The following AAK1 variants were observed in gnomAD, a reference collection of about 807,000 sequenced individuals.
AAK1 encodes the protein AP2 associated kinase 1.
Under a neutral mutation model 116.0 loss-of-function variants are expected in AAK1, and 37 were observed. The ratio of observed to expected loss-of-function variants is 0.32; its 90% CI spans 0.25 to 0.42. The LOEUF (loss-of-function observed/expected upper bound fraction) is 0.42. AAK1 is among the 10% of genes least tolerant of loss of function. The pLI is 1.00. For synonymous variants in AAK1, 458 were observed against 439.9 expected (o/e 1.04, Z -0.51); for missense variants, 919 against 1,170.6 (o/e 0.79, Z 3.14).
At chr2:69,478,331 A>T (rs982554453) in intron 20 of AAK1, 2 of 152,328 alleles carry the variant, frequency 1.3e-5, no homozygotes, top group African/African-American at 4.8e-5. Flanking sequence ...AAAGGTATCT[A>T]GCTCTTAAAG....
rs547427231 is a variant in AAK1 at position 69,468,060 on chromosome 2, T to A, written c.*7809A>T. The stretch of plus-strand genomic sequence containing the variant: ...TGAATTCCAGATTGGGGCGTTAAGT[T>A]AAATTCTGTACTGGTGCCAAATGGC... On this transcript the variant is annotated 3_prime_UTR_variant, in exon 22 of 22. Transcript: ENST00000409085. 1.0e-6 allele frequency: 1 copy of A among 985,468 alleles called. No homozygotes were observed. The highest frequency in any genetic ancestry group is 1.1e-4 in the East Asian group (1 of 8,820). The allele number at this position is 985,468 out of a possible 1,614,324, so 61.0% of individuals were successfully genotyped here.
chr2:69,531,825 C>G, intron 6 of AAK1: 2 of 1,266,150 alleles, frequency 1.6e-6, no homozygotes, highest in Non-Finnish European at 2.0e-6. Flanking sequence ...ATAAAGTGCT[C>G]TAAGAGTCCT....
Position 69,552,081 on chromosome 2 carries a change from T to C in AAK1, c.282+4779A>G, listed in dbSNP as rs1384338832. On this transcript the variant is annotated intron_variant, in intron 3 of 21. Coordinates refer to ENST00000409085, the MANE Select transcript of AAK1 (RefSeq NM_014911.5). ...TAGGGCTGGGGTTATGGCTTCTATC[T>C]GACAGAAGTCTGAGACTTAGTGGGC... Among the ~76,000 whole-genome samples, 4 of 152,280 alleles carry C rather than the reference T, an allele frequency of 2.6e-5. No homozygotes were observed. The East Asian group carries it at 5.8e-4, about 22-fold the overall frequency.
At chr2:69,595,778 T>C (rs191380950) in intron 2 of AAK1, among the ~76,000 whole-genome samples, 10 of 152,350 alleles carry the variant, frequency 6.6e-5, no homozygotes, top group Admixed American at 4.6e-4. Context: ...AAGCCTTATA[T>C]TGGAAGAAGA....
chr2:69,546,956 T>C (rs891911824), intron 3 of AAK1, among the ~76,000 whole-genome samples: 1 of 152,214 alleles, frequency 6.6e-6, no homozygotes, highest in Non-Finnish European at 1.5e-5. Flanking sequence ...AAGCAGTTCA[T>C]TGATTTATAT....
At chr2:69,579,133 C>G (rs1376765446) in intron 2 of AAK1, among the ~76,000 whole-genome samples, 1 of 152,192 alleles carries the variant, frequency 6.6e-6, no homozygotes, top group Non-Finnish European at 1.5e-5. Flanking sequence ...ACTCTCTCCA[C>G]ATTCTACCTC....
chr2:69,570,062 A>G (rs1342519241), intron 2 of AAK1, among the ~76,000 whole-genome samples: 29 of 152,158 alleles, frequency 1.9e-4, no homozygotes. Context: ...TCTTATACCA[A>G]CAACGTGATT....
intron 17 of AAK1, among the ~76,000 whole-genome samples, chr2:69,490,650 G>T (rs149008393): frequency 6.8e-4 from 104 of 151,980 alleles, no homozygotes; most frequent in African/African-American, 2.4e-3. Context: ...GGTTGCCAGG[G>T]GCTGGGGGGA....
intron 5 of AAK1, among the ~76,000 whole-genome samples, chr2:69,536,835 A>G (rs1008523462): frequency 1.3e-5 from 2 of 152,242 alleles, no homozygotes; most frequent in African/African-American, 4.8e-5. Flanking sequence ...TTGAAGGATT[A>G]GATGAATGCA....
intron 2 of AAK1, among the ~76,000 whole-genome samples, chr2:69,640,861 A>C (rs1675692793): frequency 1.3e-5 from 2 of 152,178 alleles, no homozygotes; most frequent in African/African-American, 4.8e-5. Flanking sequence ...TATCTCTATG[A>C]TGGCATTTAC....
In AAK1 at chr2:69,505,608, C is replaced by T; in HGVS notation, c.2230G>A (p.Gly744Ser). 6.2e-7 allele frequency: 1 copy of T among 1,613,688 alleles called. No homozygotes were observed. Reference protein sequence around the residue: ...SLIPGFQSTQGDAFATTSFSA... With the variant: ...SLIPGFQSTQSDAFATTSFSA... ...AATGAGGTCGTAGCAAAAGCATCAC[C>T]TTGGGTTGATTGAAAGCCTGGGATC... The change falls in exon 16 of 22, where the codon GGT (glycine) becomes AGT (serine). Residue 744 changes from glycine (G) to serine (S), a missense_variant. Gly to Ser is a moderately conservative substitution (Grantham distance 56, BLOSUM62 0). Around this residue, in one of 4 missense-constraint regions of AAK1, gnomAD observed 263 missense variants for 285.5 expected, o/e 0.92. Coordinates refer to ENST00000409085, the MANE Select transcript of AAK1 (RefSeq NM_014911.5).
intron 16 of AAK1, among the ~76,000 whole-genome samples, chr2:69,500,698 T>TATATATATATACACACACACAC: frequency 6.1e-5 from 4 of 65,100 alleles, no homozygotes; most frequent in African/African-American, 2.4e-4. Flanking sequence ...TATATATATA[T>TATATATATATACACACACACAC]ACACACACAC....
At chr2:69,545,431 ACT>A (rs1670883589) in intron 3 of AAK1, among the ~76,000 whole-genome samples, 2 of 152,222 alleles carry the variant, frequency 1.3e-5, no homozygotes, top group Non-Finnish European at 2.9e-5. Context: ...TATTTTTTAA[ACT>A]AGTTTTAATA....
At chr2:69,580,884 G>A (rs745876774) in intron 2 of AAK1, among the ~76,000 whole-genome samples, 10 of 152,142 alleles carry the variant, frequency 6.6e-5, no homozygotes, top group African/African-American at 1.2e-4. Flanking sequence ...AGTCTAATGC[G>A]CAAAATGATG....
chr2:69,544,620 G>C, intron 3 of AAK1, 76 bp from the exon 4 acceptor site: 1 of 1,032,734 alleles, frequency 9.7e-7, no homozygotes, highest in Non-Finnish European at 1.5e-6. Context: ...AGTTCCATTA[G>C]CACAGATAAT....
chr2:69,581,979 T>C (rs933969826), intron 2 of AAK1, among the ~76,000 whole-genome samples: 70 of 145,642 alleles, frequency 4.8e-4, no homozygotes, highest in African/African-American at 1.7e-3. Flanking sequence ...GCCCTGTCTT[T>C]AAAAAAAAAA....
intron 2 of AAK1, among the ~76,000 whole-genome samples, chr2:69,563,694 C>A (rs1327092628): frequency 6.6e-6 from 1 of 152,190 alleles, no homozygotes; most frequent in African/African-American, 2.4e-5. Context: ...CCTACAAACT[C>A]TTTGTTTCTC....
At position 69,465,374 on chromosome 2, in the gene AAK1, G is replaced by A. The variant is rs772998664; in HGVS notation, c.*10495C>T. On this transcript the variant is annotated 3_prime_UTR_variant, in exon 22 of 22. Coordinates refer to ENST00000409085, the MANE Select transcript of AAK1 (RefSeq NM_014911.5). ...AAGGCTAAGCTGGGAGTGCCATGGC[G>A]GGTATTGAGGGTGGGATAGAGACAA... 3.3e-5 allele frequency: 40 copies of A among 1,211,472 alleles called. No homozygotes were observed. The highest frequency in any genetic ancestry group is 3.1e-4 in the Admixed American group (10 of 32,634). 75.0% of individuals were successfully genotyped at this position (1,211,472 alleles called of 1,614,324 possible). A position where few individuals can be genotyped will look rare whatever the true frequency, so the allele number is the denominator to read the frequency against.
In AAK1 at chr2:69,534,535, T is replaced by C. The variant is rs142058118; in HGVS notation, c.535-2373A>G. On this transcript the variant is annotated intron_variant, in intron 5 of 21. Coordinates refer to ENST00000409085, the MANE Select transcript of AAK1 (RefSeq NM_014911.5). ...GATTTGTTCGATGTCTCCTAAGCAT[T>C]CCATACACAACCTAATTTGTCCTTT... 1.5e-3 allele frequency among the ~76,000 whole-genome samples: 225 copies of C among 152,370 alleles called. 3 individuals carry two copies. The South Asian group carries it at 0.016, about 11-fold the overall frequency.
Sources: allele counts gnomAD v4.1 joint callset (sites outside exome capture counted in the v4.1 genomes callset), GRCh38; gene constraint gnomAD v4.1.1; regional missense constraint gnomAD v4.1.1; transcripts MANE v1.5; gene names NCBI Gene and HGNC (gene_info 2026-07-23, HGNC 2026-07-21).